The following XPNPEP3 variants were observed in gnomAD, a reference collection of about 807,000 sequenced individuals.
XPNPEP3 encodes xaa-Pro aminopeptidase 3.
A neutral mutation model predicts 60.0 loss-of-function variants in XPNPEP3; 41 were observed. The observed-to-expected ratio is 0.68, with a 90% CI of 0.53 to 0.89. The LOEUF is 0.89. XPNPEP3 is among the 40% of genes least tolerant of loss of function. The pLI, the probability that XPNPEP3 is intolerant of heterozygous loss-of-function variation, is 0.00. For synonymous variants in XPNPEP3, 212 were observed against 223.2 expected (o/e 0.95, Z 0.45); for missense variants, 598 against 638.9 (o/e 0.94, Z 0.69).
At chr22:40,909,376 T>A (rs1055027350) in intron 6 of XPNPEP3, 141 bp downstream of exon 6, 1 of 729,200 alleles carries the variant, frequency 1.4e-6, no homozygotes, top group Non-Finnish European at 2.4e-6. Context: ...AAAATGGTTT[T>A]ACAGACATTA....
chr22:40,873,098 C>CTTTT (rs138353), intron 2 of XPNPEP3, among the ~76,000 whole-genome samples: 77 of 88,496 alleles, frequency 8.7e-4, no homozygotes, highest in East Asian at 1.5e-3. Flanking sequence ...TTTTCTTTTT[C>CTTTT]TTTTTTTTTT....
At chr22:40,906,044 G>C (rs2058154002) in intron 4 of XPNPEP3, among the ~76,000 whole-genome samples, 1 of 152,078 alleles carries the variant, frequency 6.6e-6, no homozygotes. Context: ...GTCCACCTCA[G>C]CCTCCCAAAG....
chr22:40,913,083 TAG>T (rs1313913021), intron 6 of XPNPEP3, among the ~76,000 whole-genome samples: 1 of 152,122 alleles, frequency 6.6e-6, no homozygotes, highest in East Asian at 1.9e-4. Flanking sequence ...TTCAAGGGCA[TAG>T]AGAGATAATT....
At chr22:40,869,208 G>A in intron 2 of XPNPEP3, 93 bp downstream of exon 2, 2 of 1,148,454 alleles carry the variant, frequency 1.7e-6, no homozygotes, top group Non-Finnish European at 2.6e-6. Context: ...CTGGATCTGT[G>A]CTGTTCCATA....
intron 7 of XPNPEP3, among the ~76,000 whole-genome samples, chr22:40,919,079 T>C (rs9611435): frequency 0.57 from 87,028 of 151,814 alleles, 25,796 homozygotes; most frequent in East Asian, 0.94. Context: ...GTTTGGCTTT[T>C]TATATCTGTG....
intron 4 of XPNPEP3, among the ~76,000 whole-genome samples, chr22:40,893,717 G>A (rs2058097282): frequency 6.6e-6 from 1 of 151,806 alleles, no homozygotes; most frequent in Non-Finnish European, 1.5e-5. Flanking sequence ...CCCAGGTTCA[G>A]GTGATTCTCC....
At chr22:40,924,593 C>G in intron 9 of XPNPEP3, 111 bp downstream of exon 9, 34 of 1,458,030 alleles carry the variant, frequency 2.3e-5, no homozygotes, top group South Asian at 6.1e-5. Context: ...GTGTGATCTT[C>G]ACTCACTGCA....
At chr22:40,919,562 G>A (rs2058208876) in intron 7 of XPNPEP3, among the ~76,000 whole-genome samples, 3 of 152,130 alleles carry the variant, frequency 2.0e-5, no homozygotes, top group Admixed American at 6.5e-5. Flanking sequence ...ACACGGTTTC[G>A]CTATGTTGCC....
At position 40,926,689 on chromosome 22, in the gene XPNPEP3, G is replaced by T; in HGVS notation, c.*254G>T. 1.9e-6 allele frequency: 1 copy of T among 518,500 alleles called. No individual in the cohort carries two copies. The highest frequency in any genetic ancestry group is 2.1e-5 in the South Asian group (1 of 48,480). The allele number at this position is 518,500 out of a possible 1,614,324, so 32.1% of individuals were successfully genotyped here. On this transcript the variant is annotated 3_prime_UTR_variant, in exon 10 of 10. Transcript: ENST00000357137. Reference sequence around the variant, plus strand: ...ATTAATTCTATAGAATTAATGATCAGAGCAAGTTTAATTTTTAAACATAAA... The same window carrying T: ...ATTAATTCTATAGAATTAATGATCATAGCAAGTTTAATTTTTAAACATAAA...
chr22:40,900,711 T>C (rs1569026278), intron 4 of XPNPEP3, among the ~76,000 whole-genome samples: 1 of 151,984 alleles, frequency 6.6e-6, no homozygotes, highest in Non-Finnish European at 1.5e-5. Flanking sequence ...GATGGATCTT[T>C]TGAGCCCAGG....
intron 4 of XPNPEP3, among the ~76,000 whole-genome samples, chr22:40,897,377 TG>T (rs1233492801): frequency 6.6e-6 from 1 of 152,184 alleles, no homozygotes; most frequent in Non-Finnish European, 1.5e-5. Context: ...TTCCATCTTT[TG>T]GGCTATGGTG....
chr22:40,872,519 C>A (rs966905326), intron 2 of XPNPEP3, among the ~76,000 whole-genome samples: 2 of 151,758 alleles, frequency 1.3e-5, no homozygotes, highest in African/African-American at 4.8e-5. Flanking sequence ...GACACAATCT[C>A]TGCTCACTGC....
chr22:40,868,304 A>G (rs569126154), intron 1 of XPNPEP3, among the ~76,000 whole-genome samples: 1 of 152,274 alleles, frequency 6.6e-6, no homozygotes, highest in South Asian at 2.1e-4. Context: ...GTTTTAGGAC[A>G]CAGCTTTATG....
chr22:40,896,582 C>T (rs761700845), intron 4 of XPNPEP3, among the ~76,000 whole-genome samples: 2 of 150,924 alleles, frequency 1.3e-5, no homozygotes, highest in South Asian at 2.1e-4. Context: ...TGCAGTGAGC[C>T]GAGATCATGC....
rs1471679695 is a variant in XPNPEP3, at chr22:40,884,702, G to A, written c.590-1611G>A. On this transcript the variant is annotated intron_variant, in intron 3 of 9. Coordinates refer to ENST00000357137, the MANE Select transcript of XPNPEP3 (RefSeq NM_022098.4). ...AGCTATGATTTCATACACTTTGAAC[G>A]TGTAGTAGAGATTGTTTTACTTTTT... Among the ~76,000 whole-genome samples, 4 of 151,614 alleles carry A rather than the reference G, an allele frequency of 2.6e-5. No homozygotes were observed. In the South Asian group the frequency reaches 8.4e-4, roughly 32 times the overall value.
Position 40,881,824 on chromosome 22 carries a change from T to C in XPNPEP3, c.236T>C (p.Leu79Pro). The change falls in exon 3 of 10, where the codon CTA (leucine) becomes CCA (proline). Residue 79 changes from leucine to proline, a missense_variant. By Grantham distance (98) the Leu-to-Pro change is moderately conservative (BLOSUM62 -3). Coordinates refer to ENST00000357137, the MANE Select transcript of XPNPEP3 (RefSeq NM_022098.4). ...QVEYALRRHKLMSLIQKEAQG... is the reference protein window; with the variant it reads ...QVEYALRRHKPMSLIQKEAQG... ...GAATATGCACTTCGCAGACACAAAC[T>C]AATGTCTCTGATCCAGAAGGAAGCT... 1.9e-6 allele frequency: 3 copies of C among 1,614,172 alleles called. No individual in the cohort carries two copies. The highest frequency in any genetic ancestry group is 2.5e-6 in the Non-Finnish European group (3 of 1,180,028).
intron 2 of XPNPEP3, among the ~76,000 whole-genome samples, chr22:40,870,495 C>A (rs761326028): frequency 3.9e-5 from 6 of 151,918 alleles, no homozygotes; most frequent in Non-Finnish European, 7.4e-5. Context: ...CTCTCCTAGA[C>A]GTGGGATTTT....
intron 2 of XPNPEP3, among the ~76,000 whole-genome samples, chr22:40,873,108 T>C (rs900149137): frequency 3.7e-5 from 5 of 133,580 alleles, no homozygotes; most frequent in African/African-American, 8.4e-5. Context: ...CTTTTTTTTT[T>C]TTTTTTTTTT....
chr22:40,895,213 C>T (rs925029337), intron 4 of XPNPEP3, among the ~76,000 whole-genome samples: 2 of 152,180 alleles, frequency 1.3e-5, no homozygotes, highest in Middle Eastern at 3.2e-3. Flanking sequence ...GATTCTTTCA[C>T]ATAGATCCCC....
Sources: gnomAD v4.1 joint callset for allele counts (sites outside exome capture counted in the v4.1 genomes callset) on GRCh38, gnomAD v4.1.1 for gene constraint, MANE v1.5 for transcripts, NCBI Gene and HGNC (gene_info 2026-07-23, HGNC 2026-07-21) for gene names.